Variants in PPM1L observed in about 807,000 individuals in gnomAD.
PPM1L encodes the protein protein phosphatase, Mg2+/Mn2+ dependent 1L, also known as protein phosphatase 1L.
Under a neutral mutation model 31.4 loss-of-function variants are expected in PPM1L, and 13 were observed. The observed-to-expected ratio is 0.41, with a 90% confidence interval of 0.27 to 0.66. The LOEUF is 0.66. PPM1L is among the 30% of genes least tolerant of loss of function. The probability of loss-of-function intolerance (pLI) is 0.29; values close to 1 mark genes in which losing one functional copy is unlikely to be tolerated. For missense variants in PPM1L, 326 were observed against 453.7 expected, an observed-to-expected ratio of 0.72 and a Z score of 2.56; for synonymous variants, 184 against 175.4, an observed-to-expected ratio of 1.05 and a Z score of -0.39.
At chr3:160,800,369 T>A (rs1184551894) in intron 1 of PPM1L, among the ~76,000 whole-genome samples, 2 of 152,178 alleles carry the variant, frequency 1.3e-5, no homozygotes, top group African/African-American at 2.4e-5. Context: ...TTCGTGACCT[T>A]CAGCTATTGT....
intron 3 of PPM1L, among the ~76,000 whole-genome samples, chr3:161,067,865 C>T (rs1388699871): frequency 1.3e-5 from 2 of 152,204 alleles, no homozygotes; most frequent in Non-Finnish European, 2.9e-5. Flanking sequence ...TGGAAATCAT[C>T]CCTCCCTTCT....
intron 1 of PPM1L, among the ~76,000 whole-genome samples, chr3:160,859,592 G>A (rs937892033): frequency 1.3e-5 from 2 of 152,172 alleles, no homozygotes; most frequent in Middle Eastern, 3.4e-3. Flanking sequence ...CCCACCCCTG[G>A]TCTAGCTGTA....
At chr3:160,889,335 A>G (rs1713048509) in intron 1 of PPM1L, among the ~76,000 whole-genome samples, 1 of 152,250 alleles carries the variant, frequency 6.6e-6, no homozygotes, top group Non-Finnish European at 1.5e-5. Flanking sequence ...CTGACACCAT[A>G]GAAATACAAA....
At chr3:160,830,581 T>C (rs186606515) in intron 1 of PPM1L, among the ~76,000 whole-genome samples, 160 of 152,298 alleles carry the variant, frequency 1.1e-3, no homozygotes, top group Non-Finnish European at 1.6e-3. Context: ...TAGTTATGCT[T>C]TGTTGCTCTA....
intron 1 of PPM1L, among the ~76,000 whole-genome samples, chr3:160,816,225 A>G (rs768220451): frequency 2.6e-4 from 40 of 151,402 alleles, no homozygotes; most frequent in Admixed American, 5.9e-4. Context: ...GATTGTGTCT[A>G]TGTGTGTGTA....
intron 1 of PPM1L, among the ~76,000 whole-genome samples, chr3:160,903,723 C>T (rs569855911): frequency 3.4e-4 from 51 of 151,896 alleles, no homozygotes; most frequent in African/African-American, 1.2e-3. Flanking sequence ...TGTGTGTGCA[C>T]ACATGGAGGT....
chr3:160,957,298 T>G (rs1170141441), intron 1 of PPM1L, among the ~76,000 whole-genome samples: 1 of 152,236 alleles, frequency 6.6e-6, no homozygotes, highest in African/African-American at 2.4e-5. Flanking sequence ...TAATCTAGTT[T>G]ATCACTGATG....
chr3:160,873,873 T>A (rs181326317), intron 1 of PPM1L, among the ~76,000 whole-genome samples: 1 of 152,330 alleles, frequency 6.6e-6, no homozygotes, highest in Admixed American at 6.5e-5. Flanking sequence ...TGGACTTGCA[T>A]CATGGATTGA....
At chr3:160,981,415 C>T (rs1034424554) in intron 2 of PPM1L, among the ~76,000 whole-genome samples, 1 of 152,168 alleles carries the variant, frequency 6.6e-6, no homozygotes, top group Non-Finnish European at 1.5e-5. Flanking sequence ...GGCCTCTTGC[C>T]ACATGGCTTC....
intron 1 of PPM1L, among the ~76,000 whole-genome samples, chr3:160,775,219 A>G (rs1576631755): frequency 6.6e-6 from 1 of 152,314 alleles, no homozygotes; most frequent in East Asian, 1.9e-4. Context: ...TGAGATTAAA[A>G]TATTTCCCAT....
chr3:160,981,295 G>C (rs184598103), intron 2 of PPM1L, among the ~76,000 whole-genome samples: 171 of 152,280 alleles, frequency 1.1e-3, no homozygotes, highest in African/African-American at 4.0e-3. Context: ...CAAGCTGTCA[G>C]CCAGGGGAGC....
intron 1 of PPM1L, among the ~76,000 whole-genome samples, chr3:160,944,946 CTATA>C (rs1341131786): frequency 1.7e-5 from 1 of 58,292 alleles, no homozygotes; most frequent in Admixed American, 2.3e-4. Context: ...TTATATATAA[CTATA>C]TATAACTATA....
At chr3:160,841,351 A>G (rs913961020) in intron 1 of PPM1L, among the ~76,000 whole-genome samples, 8 of 149,930 alleles carry the variant, frequency 5.3e-5, no homozygotes, top group Non-Finnish European at 1.2e-4. Flanking sequence ...TTTTTTTTTC[A>G]GAGGATTGGA....
chr3:160,965,934 AAC>A (rs1431282258), intron 2 of PPM1L, among the ~76,000 whole-genome samples: 1 of 152,148 alleles, frequency 6.6e-6, no homozygotes, highest in African/African-American at 2.4e-5. Flanking sequence ...TAATGAAAAA[AAC>A]ACTTAGACAT....
chr3:160,815,733 C>T (rs548382841), intron 1 of PPM1L, among the ~76,000 whole-genome samples: 163 of 152,038 alleles, frequency 1.1e-3, no homozygotes, highest in African/African-American at 3.8e-3. Context: ...CAGATTTCTG[C>T]GACATATAAT....
chr3:160,797,918 G>C (rs779058), intron 1 of PPM1L, among the ~76,000 whole-genome samples: 61,927 of 151,662 alleles, frequency 0.41, 14,201 homozygotes, highest in African/African-American at 0.62. Flanking sequence ...AGTGGCTCAC[G>C]CCTGTAATCC....
At chr3:160,806,825 AAAG>A (rs966476179) in intron 1 of PPM1L, among the ~76,000 whole-genome samples, 10 of 151,302 alleles carry the variant, frequency 6.6e-5, no homozygotes, top group East Asian at 6.1e-4. Flanking sequence ...AAGAAAAAGA[AAAG>A]AAAGAAAGAA....
chr3:161,014,181 T>C (rs1717995103), intron 2 of PPM1L, among the ~76,000 whole-genome samples: 1 of 152,188 alleles, frequency 6.6e-6, no homozygotes, highest in Non-Finnish European at 1.5e-5. Flanking sequence ...TTTCCATGTG[T>C]AGTGCTTCCT....
At chr3:160,782,659 C>A (rs1259908225) in intron 1 of PPM1L, among the ~76,000 whole-genome samples, 2 of 152,100 alleles carry the variant, frequency 1.3e-5, no homozygotes, top group African/African-American at 2.4e-5. Flanking sequence ...TCTTAAAAAA[C>A]CTCATTTATA....
Sources: allele counts gnomAD v4.1 joint callset (sites outside exome capture counted in the v4.1 genomes callset), GRCh38; gene constraint gnomAD v4.1.1; transcripts MANE v1.5; gene names NCBI Gene and HGNC (gene_info 2026-07-23, HGNC 2026-07-21).